CLIC6: variants seen among roughly 807,000 people sequenced by gnomAD.
The protein encoded by CLIC6 is chloride intracellular channel protein 6.
Under a neutral mutation model 49.2 loss-of-function variants are expected in CLIC6, and 39 were observed. That is an observed-to-expected ratio of 0.79 (90% CI 0.61 to 1.04). The LOEUF is 1.04. Ranked by LOEUF, CLIC6 falls within the 50% of genes least tolerant of loss-of-function variation. CLIC6 has a pLI of 0.00. For missense variants in CLIC6, 988 were observed against 993.1 expected (o/e 0.99, Z 0.07); for synonymous variants, 446 against 433.4 (o/e 1.03, Z -0.36).
At chr21:34,677,870 C>T (rs888296589) in intron 1 of CLIC6, among the ~76,000 whole-genome samples, 1 of 152,124 alleles carries the variant, frequency 6.6e-6, no homozygotes. Context: ...TCTAGCCTGC[C>T]ACCTGTTTTT....
At chr21:34,715,588 C>G (rs753531061) in intron 5 of CLIC6, among the ~76,000 whole-genome samples, 1 of 152,212 alleles carries the variant, frequency 6.6e-6, no homozygotes, top group South Asian at 2.1e-4. Flanking sequence ...GCATGTGTTA[C>G]TTTATTATGG....
At chr21:34,705,443 C>G (rs1159951865) in intron 1 of CLIC6, among the ~76,000 whole-genome samples, 2 of 152,114 alleles carry the variant, frequency 1.3e-5, no homozygotes, top group African/African-American at 2.4e-5. Context: ...TTTCAGGGCC[C>G]ATCTGCCGGG....
In CLIC6 at chr21:34,669,375, A is replaced by G. The variant is rs963652970; in HGVS notation, c.-14A>G. 3 of 1,237,312 alleles carry G rather than the reference A, an allele frequency of 2.4e-6. No individual in the cohort carries two copies. The African/African-American group carries it at 4.6e-5, about 19-fold the overall frequency. 76.6% of individuals were successfully genotyped at this position (1,237,312 alleles called of 1,614,324 possible). ...CAAGGAAGGAGTCCCGATCAAGGAC[A>G]GGGATCTGCGGCCATGGCCGAGGCC... On this transcript the variant is annotated 5_prime_UTR_variant, in exon 1 of 6. Transcript: ENST00000349499.
chr21:34,684,557 T>G (rs1989840007), intron 1 of CLIC6, among the ~76,000 whole-genome samples: 1 of 152,232 alleles, frequency 6.6e-6, no homozygotes. Context: ...AGAATGTAAT[T>G]TTATATTACT....
chr21:34,692,344 C>T (rs888979011), intron 1 of CLIC6, among the ~76,000 whole-genome samples: 2 of 152,174 alleles, frequency 1.3e-5, no homozygotes, highest in African/African-American at 4.8e-5. Context: ...GCTTGACGGA[C>T]TGTGGCTTTT....
chr21:34,673,603 C>G (rs1220437288), intron 1 of CLIC6, among the ~76,000 whole-genome samples: 1 of 152,174 alleles, frequency 6.6e-6, no homozygotes, highest in East Asian at 1.9e-4. Flanking sequence ...GATTTGTTAA[C>G]TTCTGAGGGG....
At chr21:34,691,678 A>G (rs971639414) in intron 1 of CLIC6, among the ~76,000 whole-genome samples, 3 of 152,198 alleles carry the variant, frequency 2.0e-5, no homozygotes, top group African/African-American at 7.2e-5. Flanking sequence ...CCACTCTACC[A>G]TTGATCTGGT....
intron 1 of CLIC6, among the ~76,000 whole-genome samples, chr21:34,691,105 C>A (rs1373812309): frequency 6.6e-6 from 1 of 152,140 alleles, no homozygotes; most frequent in Non-Finnish European, 1.5e-5. Flanking sequence ...TCCTAAAGCT[C>A]TCTCTCTAAA....
chr21:34,708,841 A>G (rs184458514), intron 4 of CLIC6, 35 bp downstream of exon 4: 7 of 1,482,616 alleles, frequency 4.7e-6, no homozygotes, highest in East Asian at 4.6e-5. Flanking sequence ...TTGTTTCAAC[A>G]CAGACTTGAG....
At chr21:34,671,791 G>A (rs1989572425) in intron 1 of CLIC6, among the ~76,000 whole-genome samples, 1 of 152,182 alleles carries the variant, frequency 6.6e-6, no homozygotes, top group Non-Finnish European at 1.5e-5. Context: ...TAAGTAAAAG[G>A]AAATGCTCCC....
chr21:34,716,560 T>A lies in CLIC6; in HGVS notation c.*78T>A. On this transcript the variant is annotated 3_prime_UTR_variant, in exon 6 of 6. Transcript: ENST00000349499. ...ACAGTGTGTTTGAAAACAAATTAGG[T>A]TTGGGTTCAATTCCTTCAATTTTTA... The A allele has an allele frequency of 7.9e-7, 1 of 1,264,020 alleles. No homozygotes were observed. Among genetic ancestry groups the A allele is most frequent in the East Asian group, 2.6e-5 (1 of 37,988 alleles). 78.3% of individuals were successfully genotyped at this position (1,264,020 alleles called of 1,614,324 possible). A position where few individuals can be genotyped will look rare whatever the true frequency, so the allele number is the denominator to read the frequency against.
Position 34,669,401 on chromosome 21 carries a change from G to A in CLIC6, c.13G>A (p.Ala5Thr), listed in dbSNP as rs1198179561. The change falls in exon 1 of 6, where the codon GCG becomes ACG. Residue 5 changes from alanine (A) to threonine (T), a missense_variant. By Grantham distance (58) the Ala-to-Thr change is moderately conservative. This residue lies in a region of CLIC6 where 284 missense variants were observed against 278.6 expected (regional missense o/e 1.02). Transcript: ENST00000349499. ...GGGATCTGCGGCCATGGCCGAGGCCGCGGAGCCGGAGGGGGTTGCCCCGGG... is the reference window on the plus strand; with the variant it reads ...GGGATCTGCGGCCATGGCCGAGGCCACGGAGCCGGAGGGGGTTGCCCCGGG... MAEA[A>T]EPEGVAPGPQ... 12 of 1,237,002 alleles carry A rather than the reference G, an allele frequency of 9.7e-6. No homozygotes were observed. The highest frequency in any genetic ancestry group is 1.5e-5 in the African/African-American group (1 of 64,602). The allele number at this position is 1,237,002 out of a possible 1,614,324, so 76.6% of individuals were successfully genotyped here. A position where few individuals can be genotyped will look rare whatever the true frequency, so the allele number is the denominator to read the frequency against.
intron 1 of CLIC6, among the ~76,000 whole-genome samples, chr21:34,679,316 C>G (rs1989732460): frequency 1.3e-5 from 2 of 152,186 alleles, no homozygotes; most frequent in Admixed American, 1.3e-4. Context: ...AACTCACTCA[C>G]TATCACGAGA....
chr21:34,716,878 A>T lies in CLIC6; in HGVS notation c.*396A>T, dbSNP rs1341077114. On this transcript the variant is annotated 3_prime_UTR_variant, in exon 6 of 6. Coordinates refer to ENST00000349499, the MANE Select transcript of CLIC6 (RefSeq NM_053277.3). Reference sequence around the variant, plus strand: ...CTCTCTCTATCACACACACACACACACACACACACACACACACACACAATT... The same window carrying T: ...CTCTCTCTATCACACACACACACACTCACACACACACACACACACACAATT... 1 of 156,632 alleles carries T rather than the reference A, an allele frequency of 6.4e-6. No individual in the cohort carries two copies. The highest frequency in any genetic ancestry group is 2.5e-5 in the African/African-American group (1 of 39,540). 9.7% of individuals were successfully genotyped at this position (156,632 alleles called of 1,614,324 possible).
At chr21:34,695,033 G>A (rs1040412258) in intron 1 of CLIC6, among the ~76,000 whole-genome samples, 2 of 152,330 alleles carry the variant, frequency 1.3e-5, no homozygotes, top group South Asian at 2.1e-4. Context: ...TACACCACAA[G>A]CTTGGTGGCT....
At chr21:34,713,727 C>T (rs1201353717) in intron 5 of CLIC6, among the ~76,000 whole-genome samples, 4 of 151,966 alleles carry the variant, frequency 2.6e-5, no homozygotes, top group African/African-American at 9.7e-5. Flanking sequence ...TTACTTTGAA[C>T]TAAAGGATGA....
intron 1 of CLIC6, among the ~76,000 whole-genome samples, chr21:34,682,936 C>T (rs1378597430): frequency 6.6e-6 from 1 of 151,418 alleles, no homozygotes; most frequent in African/African-American, 2.4e-5. Flanking sequence ...CTCAGCCTCC[C>T]AAGTAGCTGG....
intron 4 of CLIC6, among the ~76,000 whole-genome samples, chr21:34,709,152 G>A (rs1019597013): frequency 7.2e-5 from 11 of 152,218 alleles, no homozygotes; most frequent in African/African-American, 2.7e-4. Context: ...TCTAGAAGGA[G>A]CAATATTGTG....
chr21:34,716,325 T>C lies in CLIC6; in HGVS notation c.1904T>C (p.Val635Ala), dbSNP rs558210239. 1.1e-5 allele frequency: 18 copies of C among 1,609,890 alleles called. No individual in the cohort carries two copies. The South Asian group carries it at 1.7e-4, about 15-fold the overall frequency. The stretch of plus-strand genomic sequence containing the variant: ...TCATTTTCTCTTCATTTTCAGATTG[T>C]GGCCAAGAAGTACAGAGATTTTGAA... ...LLPKLHIIKI[V>A]AKKYRDFEFP... is the part of the protein sequence containing the mutation. Residue 635 changes from valine (V) to alanine (A), a missense_variant, in exon 6 of 6, where the codon GTG (valine) becomes GCG (alanine). By Grantham distance (64) the Val-to-Ala change is moderately conservative. This residue lies in a region of CLIC6 where 647 missense variants were observed against 596.9 expected (regional missense o/e 1.08). Coordinates refer to ENST00000349499, the MANE Select transcript of CLIC6 (RefSeq NM_053277.3).
Sources: gnomAD v4.1 joint callset for allele counts (sites outside exome capture counted in the v4.1 genomes callset) on GRCh38, gnomAD v4.1.1 for gene constraint, gnomAD v4.1.1 regional missense constraint, MANE v1.5 for transcripts, NCBI Gene and HGNC (gene_info 2026-07-23, HGNC 2026-07-21) for gene names.